The following EPN2 variants were observed in gnomAD, a reference collection of about 807,000 sequenced individuals.
EPN2 encodes the protein epsin 2.
Under a neutral mutation model 61.7 loss-of-function variants are expected in EPN2, and 34 were observed. That is an observed-to-expected ratio of 0.55 (90% CI 0.42 to 0.73). EPN2 has a LOEUF of 0.73. Among genes scored for constraint, EPN2 ranks in the 30% least tolerant of loss-of-function variants. The pLI, the probability that EPN2 is intolerant of heterozygous loss-of-function variation, is 0.00. For missense variants in EPN2, 714 were observed against 839.2 expected, an observed-to-expected ratio of 0.85 and a Z score of 1.84; for synonymous variants, 349 against 353.6, an observed-to-expected ratio of 0.99 and a Z score of 0.15.
intron 1 of EPN2, among the ~76,000 whole-genome samples, chr17:19,248,671 A>C (rs924462733): frequency 6.6e-6 from 1 of 152,190 alleles, no homozygotes; most frequent in Non-Finnish European, 1.5e-5. Flanking sequence ...TTCTTTACTT[A>C]ATGCTTATTG....
intron 7 of EPN2, among the ~76,000 whole-genome samples, chr17:19,323,268 C>T (rs1256612582): frequency 6.6e-6 from 1 of 152,074 alleles, no homozygotes; most frequent in Non-Finnish European, 1.5e-5. Flanking sequence ...ATAAGAGGGC[C>T]GGAGAGGCCC....
intron 1 of EPN2, among the ~76,000 whole-genome samples, chr17:19,259,402 T>TCCCG (rs1473468707): frequency 3.0e-5 from 4 of 134,206 alleles, no homozygotes; most frequent in Non-Finnish European, 6.1e-5. Context: ...AAGCTCCACC[T>TCCCG]CCCGGGTTCA....
At chr17:19,328,535 C>T (rs969576351) in intron 7 of EPN2, among the ~76,000 whole-genome samples, 176 bp from the exon 8 acceptor site, 1 of 152,130 alleles carries the variant, frequency 6.6e-6, no homozygotes, top group Admixed American at 6.5e-5. Context: ...GGGTTGTTGG[C>T]CCTGGGCCCC....
Position 19,285,692 on chromosome 17 carries a change from T to A in EPN2, c.668T>A (p.Leu223Gln). The A allele has an allele frequency of 6.3e-7, 1 of 1,590,686 alleles. No individual in the cohort carries two copies. Among genetic ancestry groups the A allele is most frequent in the Admixed American group, 1.7e-5 (1 of 57,448 alleles). ...GGTCAGAGTGAGGAGCTGCAGCCAC[T>A]GAGCCAGCGCCACCCCTTCCTGCCG... ...PLGQSEELQP[L>Q]SQRHPFLPHL... Residue 223 changes from leucine to glutamine, a missense_variant, in exon 4 of 11, where the codon CTG becomes CAG. Physicochemically the swap from Leu to Gln is moderately radical, Grantham distance 113. Around this residue, in one of 2 missense-constraint regions of EPN2, gnomAD observed 304 missense variants for 417.4 expected, o/e 0.73. Transcript: ENST00000314728. The surrounding 1 kb of genome is among the most constrained non-coding windows in gnomAD (Gnocchi z 4.5).
At chr17:19,238,531 T>C (rs933451019) in intron 1 of EPN2, among the ~76,000 whole-genome samples, 5 of 152,156 alleles carry the variant, frequency 3.3e-5, no homozygotes, top group African/African-American at 1.2e-4. Flanking sequence ...TGGGGACGTA[T>C]CTAAAATCTG....
At chr17:19,240,174 C>T (rs183107773) in intron 1 of EPN2, among the ~76,000 whole-genome samples, 1 of 152,088 alleles carries the variant, frequency 6.6e-6, no homozygotes, top group East Asian at 1.9e-4. Context: ...TGAAGGACCA[C>T]GATTGTTGTC....
chr17:19,301,308 A>G (rs1336356532), intron 4 of EPN2, among the ~76,000 whole-genome samples: 1 of 152,122 alleles, frequency 6.6e-6, no homozygotes, highest in Non-Finnish European at 1.5e-5. Flanking sequence ...CACTAATTAC[A>G]TCTGCAGCTA....
intron 4 of EPN2, among the ~76,000 whole-genome samples, chr17:19,306,587 A>G (rs1302395581): frequency 6.6e-6 from 1 of 152,244 alleles, no homozygotes; most frequent in Admixed American, 6.5e-5. Context: ...GTAAACATGT[A>G]CATTTGCATT....
chr17:19,257,474 G>A (rs1222012606), intron 1 of EPN2, among the ~76,000 whole-genome samples: 1 of 151,678 alleles, frequency 6.6e-6, no homozygotes, highest in Non-Finnish European at 1.5e-5. Context: ...GTCCTAGTTC[G>A]GTCTGTAATC....
Position 19,304,893 on chromosome 17 carries a change from C to T in EPN2, c.767-4992C>T, listed in dbSNP as rs987299176. Among the ~76,000 whole-genome samples, 9 of 152,216 alleles carry T rather than the reference C, an allele frequency of 5.9e-5. No individual in the cohort carries two copies. In the South Asian group the frequency reaches 6.2e-4, roughly 10 times the overall value. Reference sequence around the variant, plus strand: ...GGCCCACATGGGGTCTTCTCACGCCCCCAAGGCCTGGCAACCTTTCATTTT... The same window carrying T: ...GGCCCACATGGGGTCTTCTCACGCCTCCAAGGCCTGGCAACCTTTCATTTT... On this transcript the variant is annotated intron_variant, in intron 4 of 10. Transcript: ENST00000314728.
intron 1 of EPN2, chr17:19,271,795 T>G (rs2045256828): frequency 6.6e-6 from 1 of 152,302 alleles, no homozygotes; most frequent in Non-Finnish European, 1.5e-5. Context: ...ACATGCACAG[T>G]GTAAAAATAC....
At chr17:19,295,538 A>AAAAAG (rs1025314584) in intron 4 of EPN2, among the ~76,000 whole-genome samples, 2 of 152,140 alleles carry the variant, frequency 1.3e-5, no homozygotes, top group Non-Finnish European at 2.9e-5. Context: ...CTCTCAGAAA[A>AAAAAG]AAAAGAAAAG....
At position 19,334,188 on chromosome 17, in the gene EPN2, G is replaced by A; in HGVS notation, c.1860G>A (p.Val620=). The A allele has an allele frequency of 1.9e-6, 3 of 1,568,812 alleles. No homozygotes were observed. Among genetic ancestry groups the A allele is most frequent in the East Asian group, 4.6e-5 (2 of 43,220 alleles). Residue 620 remains valine (V), a synonymous_variant, in exon 11 of 11, where the codon GTG becomes GTA. Coordinates refer to ENST00000314728, the MANE Select transcript of EPN2 (RefSeq NM_014964.5). The surrounding 1 kb of genome is among the most constrained non-coding windows in gnomAD (Gnocchi z 4.9). The part of the protein sequence containing the change: ...TPLGPAMMNM[V]GSVGIPPSAA... The stretch of plus-strand genomic sequence containing the variant: ...TGGGCCCTGCAATGATGAACATGGT[G>A]GGCAGTGTGGGTATACCCCCATCAG...
intron 5 of EPN2, 117 bp from the exon 6 acceptor site, chr17:19,311,935 G>T: frequency 1.3e-6 from 1 of 745,810 alleles, no homozygotes; most frequent in South Asian, 1.6e-5. Context: ...AAGTAGTTTT[G>T]AAATCTTCCT....
In EPN2 at chr17:19,237,436, G is replaced by A. The variant is rs935651474; in HGVS notation, c.-389G>A. 2 of 152,048 alleles carry A rather than the reference G, an allele frequency of 1.3e-5. No individual in the cohort carries two copies. The highest frequency in any genetic ancestry group is 4.8e-5 in the African/African-American group (2 of 41,422). The allele number at this position is 152,048 out of a possible 1,614,324, so 9.4% of individuals were successfully genotyped here. A position where few individuals can be genotyped will look rare whatever the true frequency, so the allele number is the denominator to read the frequency against. ...TGGGTGTCAAACTGAGCCAGACGCG[G>A]CGGTGGCGGCGGCTCCGCGGGCTAC... On this transcript the variant is annotated 5_prime_UTR_variant, in exon 1 of 11. Transcript: ENST00000314728.
intron 4 of EPN2, among the ~76,000 whole-genome samples, chr17:19,291,609 T>C (rs1189954677): frequency 6.6e-6 from 1 of 151,976 alleles, no homozygotes; most frequent in African/African-American, 2.4e-5. Context: ...GGCTAATTTT[T>C]TTTTGTGTTT....
chr17:19,288,346 A>T (rs146963747), intron 4 of EPN2, among the ~76,000 whole-genome samples: 113 of 152,344 alleles, frequency 7.4e-4, no homozygotes, highest in Non-Finnish European at 1.4e-3. Flanking sequence ...TGGAGCTTAT[A>T]TGGTAATGGG....
chr17:19,296,084 C>G (rs931068852), intron 4 of EPN2, among the ~76,000 whole-genome samples: 1 of 152,100 alleles, frequency 6.6e-6, no homozygotes, highest in East Asian at 1.9e-4. Flanking sequence ...AACCAGAGCT[C>G]CTCCCGCAAG....
chr17:19,288,074 G>T (rs2045423293), intron 4 of EPN2, among the ~76,000 whole-genome samples: 1 of 152,174 alleles, frequency 6.6e-6, no homozygotes, highest in African/African-American at 2.4e-5. Context: ...CCCTTTAGAT[G>T]CCAGGCCCTG....
Sources: gnomAD v4.1 joint callset for allele counts (sites outside exome capture counted in the v4.1 genomes callset) on GRCh38, gnomAD v4.1.1 for gene constraint, gnomAD v4.1.1 regional missense constraint, Gnocchi (gnomAD v3.1) non-coding constraint, MANE v1.5 for transcripts, NCBI Gene and HGNC (gene_info 2026-07-23, HGNC 2026-07-21) for gene names.